CFAP92: variants seen among roughly 807,000 people sequenced by gnomAD.
CFAP92 encodes the protein uncharacterized protein CFAP92.
In CFAP92, 86 loss-of-function variants were observed where a neutral mutation model predicts 106.3. The ratio of observed to expected loss-of-function variants is 0.81; its 90% CI spans 0.68 to 0.97. CFAP92 has a LOEUF of 0.97. CFAP92 is among the 50% of genes least tolerant of loss of function. The probability of loss-of-function intolerance (pLI) is 0.00; values close to 1 mark genes in which losing one functional copy is unlikely to be tolerated. For synonymous variants in CFAP92, 477 were observed against 506.4 expected (o/e 0.94, Z 0.78); for missense variants, 1,204 against 1,283.8 (o/e 0.94, Z 0.95).
chr3:128,998,889 A>C (rs1401789016), upstream of CFAP92, among the ~76,000 whole-genome samples: 1 of 152,222 alleles, frequency 6.6e-6, no homozygotes, highest in Non-Finnish European at 1.5e-5. Context: ...ACAGTCATGC[A>C]ACCACTACAC....
At chr3:128,994,154 A>G (rs537249983), upstream of CFAP92, 8,561 of 985,598 alleles carry the variant, frequency 8.7e-3, 44 homozygotes, top group Non-Finnish European at 9.7e-3. Flanking sequence ...AGGAGACGCG[A>G]GGGCGTGCGG....
upstream of CFAP92, chr3:129,003,993 T>A (rs1048329805): frequency 4.0e-6 from 6 of 1,501,580 alleles, no homozygotes; most frequent in African/African-American, 2.9e-5. Flanking sequence ...CTGCACCGCG[T>A]GCGAGAGCTG....
intron 15 of CFAP92, chr3:128,912,690 G>C (rs758199671): frequency 3.2e-6 from 4 of 1,256,366 alleles, no homozygotes; most frequent in Non-Finnish European, 4.7e-6. Flanking sequence ...TTCAGAAGGT[G>C]TTGGGATTAT....
chr3:128,998,610 T>C (rs1944569736), upstream of CFAP92, among the ~76,000 whole-genome samples: 1 of 152,202 alleles, frequency 6.6e-6, no homozygotes, highest in Non-Finnish European at 1.5e-5. Flanking sequence ...ACTCAAGATA[T>C]GGCACAAACT....
intron 9 of CFAP92, among the ~76,000 whole-genome samples, chr3:128,959,383 A>G (rs1941690120): frequency 6.6e-6 from 1 of 152,194 alleles, no homozygotes; most frequent in African/African-American, 2.4e-5. Flanking sequence ...TTCTATATGC[A>G]GCCAAACTAC....
In CFAP92 at chr3:128,977,084, T is replaced by C. The variant is rs1333222045; in HGVS notation, c.809-18A>G. On this transcript the variant is annotated intron_variant, in intron 5 of 15. Coordinates refer to ENST00000645291, the MANE Select transcript of CFAP92 (RefSeq NM_001394090.1). ...GTGAGAACCTGAAAACAGTAGCAAATATTTCCAAGCTTTTTGTTACATGCT... is the reference window on the plus strand; with the variant it reads ...GTGAGAACCTGAAAACAGTAGCAAACATTTCCAAGCTTTTTGTTACATGCT... 1.9e-6 allele frequency: 3 copies of C among 1,606,162 alleles called. No homozygotes were observed. The highest frequency in any genetic ancestry group is 2.6e-6 in the Non-Finnish European group (3 of 1,173,098).
At chr3:128,935,865 AAAT>A (rs1424186457) in intron 10 of CFAP92, among the ~76,000 whole-genome samples, 3 of 152,258 alleles carry the variant, frequency 2.0e-5, no homozygotes, top group Non-Finnish European at 4.4e-5. Flanking sequence ...ACTAAGATAA[AAAT>A]AATAGCAATT....
At chr3:129,009,810 C>T in the CFAP92 span, among the ~76,000 whole-genome samples, 1 of 152,210 alleles carries the variant, frequency 6.6e-6, no homozygotes, top group Non-Finnish European at 1.5e-5. Context: ...ACAGAGCAGG[C>T]TTGTCTGGAG....
intron 6 of CFAP92, among the ~76,000 whole-genome samples, 158 bp from the exon 7 acceptor site, chr3:128,976,061 G>A (rs1005755715): frequency 1.2e-4 from 18 of 152,122 alleles, no homozygotes; most frequent in Non-Finnish European, 2.9e-5. Context: ...ATGTGCCTGT[G>A]AGTTACCTAG....
chr3:128,990,599 A>T (rs1461644232), intron 2 of CFAP92, among the ~76,000 whole-genome samples: 1 of 152,236 alleles, frequency 6.6e-6, no homozygotes, highest in African/African-American at 2.4e-5. Context: ...ATTTCTCTGA[A>T]ATAAACAATT....
intron 9 of CFAP92, among the ~76,000 whole-genome samples, chr3:128,963,340 C>T (rs1942099223): frequency 1.3e-5 from 2 of 152,342 alleles, no homozygotes; most frequent in South Asian, 4.1e-4. Context: ...GCCCTCATGT[C>T]TGCGTGCAGC....
At chr3:128,970,241 CAAAAA>C (rs367889241) in intron 8 of CFAP92, 2 of 140,934 alleles carry the variant, frequency 1.4e-5, no homozygotes, top group Non-Finnish European at 3.1e-5. Context: ...GACCCTATCT[CAAAAA>C]AAAAAAAAGT....
intron 2 of CFAP92, among the ~76,000 whole-genome samples, chr3:128,991,024 T>C (rs1032304817): frequency 2.0e-5 from 3 of 152,162 alleles, no homozygotes; most frequent in East Asian, 3.8e-4. Context: ...CATTTAAAGG[T>C]ATTGGCATGA....
chr3:129,002,205 A>T, intron 1 of CFAP92: 1 of 1,516,094 alleles, frequency 6.6e-7, no homozygotes, highest in Non-Finnish European at 8.8e-7. Flanking sequence ...TGGCCCCGAC[A>T]GCGGTCCTGA....
chr3:128,918,200 T>C (rs886386820), intron 12 of CFAP92, among the ~76,000 whole-genome samples: 3 of 152,248 alleles, frequency 2.0e-5, no homozygotes, highest in Non-Finnish European at 4.4e-5. Context: ...CCAGATGTGG[T>C]GGCTCATGCC....
intron 9 of CFAP92, among the ~76,000 whole-genome samples, chr3:128,963,695 C>G (rs1410376443): frequency 6.7e-6 from 1 of 150,076 alleles, no homozygotes; most frequent in Non-Finnish European, 1.5e-5. Flanking sequence ...CAGGCCTAAT[C>G]GCCACACACC....
At chr3:128,924,379 A>AGAC (rs1937523404) in intron 12 of CFAP92, among the ~76,000 whole-genome samples, 1 of 147,014 alleles carries the variant, frequency 6.8e-6, no homozygotes, top group Admixed American at 6.8e-5. Flanking sequence ...GAATGTGTCT[A>AGAC]GACTTGCTGG....
At chr3:129,001,143 C>A (rs1944713974) in intron 1 of CFAP92, among the ~76,000 whole-genome samples, 1 of 152,222 alleles carries the variant, frequency 6.6e-6, no homozygotes, top group African/African-American at 2.4e-5. Context: ...GGGGCACATC[C>A]CCAGCAACCG....
At chr3:128,943,596 C>T (rs914659527) in intron 10 of CFAP92, among the ~76,000 whole-genome samples, 1 of 151,722 alleles carries the variant, frequency 6.6e-6, no homozygotes, top group East Asian at 1.9e-4. Flanking sequence ...AGTGCAGTGG[C>T]ACGATCTCGG....
Sources: allele counts gnomAD v4.1 joint callset (sites outside exome capture counted in the v4.1 genomes callset), GRCh38; gene constraint gnomAD v4.1.1; transcripts MANE v1.5; gene names NCBI Gene and HGNC (gene_info 2026-07-23, HGNC 2026-07-21).